The following ADK variants were observed in gnomAD, a reference collection of about 807,000 sequenced individuals.
ADK encodes the protein adenosine kinase, also known as N6,N6-dimethyladenosine kinase.
In ADK, 24 loss-of-function variants were observed where a neutral mutation model predicts 44.7. The observed-to-expected ratio is 0.54, with a 90% CI of 0.39 to 0.76. The LOEUF (loss-of-function observed/expected upper bound fraction) is 0.76, where lower values mean the gene tolerates loss of function less well. Ranked by LOEUF, ADK falls within the 30% of genes least tolerant of loss-of-function variation. The probability of loss-of-function intolerance (pLI) is 0.00; values close to 1 mark genes in which losing one functional copy is unlikely to be tolerated. For synonymous variants in ADK, 128 were observed against 142.6 expected (o/e 0.90, Z 0.73); for missense variants, 321 against 425.1 (o/e 0.76, Z 2.15).
At chr10:74,178,933 A>G (rs181083602) in intron 1 of ADK, among the ~76,000 whole-genome samples, 52 of 152,382 alleles carry the variant, frequency 3.4e-4, no homozygotes, top group Non-Finnish European at 6.3e-4. Context: ...TCCATGATTT[A>G]GTGCTCTGCA....
chr10:74,217,721 C>T (rs1057474199), intron 2 of ADK, among the ~76,000 whole-genome samples: 1 of 152,102 alleles, frequency 6.6e-6, no homozygotes, highest in African/African-American at 2.4e-5. Flanking sequence ...CACGAAAAAC[C>T]ACTGTTCTGC....
intron 3 of ADK, among the ~76,000 whole-genome samples, chr10:74,272,348 C>T (rs550884546): frequency 4.1e-4 from 62 of 152,062 alleles, no homozygotes; most frequent in Non-Finnish European, 7.6e-4. Flanking sequence ...ATAATCATGG[C>T]TCCCTGCATG....
intron 1 of ADK, among the ~76,000 whole-genome samples, chr10:74,190,326 C>G (rs139769610): frequency 6.6e-6 from 1 of 152,316 alleles, no homozygotes; most frequent in East Asian, 1.9e-4. Flanking sequence ...TTCAGTTCAT[C>G]CATAGCCTTG....
At chr10:74,425,156 A>T (rs780839263) in intron 6 of ADK, among the ~76,000 whole-genome samples, 3 of 152,320 alleles carry the variant, frequency 2.0e-5, no homozygotes, top group Non-Finnish European at 4.4e-5. Context: ...GATACTGTCA[A>T]CCTGGGAACA....
intron 4 of ADK, among the ~76,000 whole-genome samples, chr10:74,354,257 T>G (rs569471868): frequency 2.9e-4 from 44 of 152,284 alleles, no homozygotes; most frequent in Non-Finnish European, 6.0e-4. Flanking sequence ...GTATAGCAGA[T>G]CCTATGCTGC....
At chr10:74,598,279 G>T (rs1484860118) in intron 8 of ADK, among the ~76,000 whole-genome samples, 1 of 151,890 alleles carries the variant, frequency 6.6e-6, no homozygotes, top group Non-Finnish European at 1.5e-5. Context: ...CATCTGGGAA[G>T]AATTATGTTT....
chr10:74,182,654 G>A (rs1251559541), intron 1 of ADK, among the ~76,000 whole-genome samples: 2 of 152,036 alleles, frequency 1.3e-5, no homozygotes, highest in Middle Eastern at 3.2e-3. Context: ...ATGAGCTACC[G>A]TGCCGGCCAG....
At chr10:74,181,762 C>T (rs1320966551) in intron 1 of ADK, among the ~76,000 whole-genome samples, 1 of 152,124 alleles carries the variant, frequency 6.6e-6, no homozygotes, top group Non-Finnish European at 1.5e-5. Flanking sequence ...CAAAATTCCC[C>T]TCTGAATATT....
intron 9 of ADK, among the ~76,000 whole-genome samples, chr10:74,651,679 T>G (rs1161827780): frequency 6.6e-6 from 1 of 152,196 alleles, no homozygotes; most frequent in Non-Finnish European, 1.5e-5. Context: ...ATAGCAATTG[T>G]GTCATGGTTT....
intron 4 of ADK, among the ~76,000 whole-genome samples, chr10:74,393,834 T>C (rs945293055): frequency 2.5e-4 from 38 of 152,216 alleles, no homozygotes; most frequent in Admixed American, 2.4e-3. Context: ...CTAGACTTCT[T>C]ATATTGGGAC....
intron 7 of ADK, among the ~76,000 whole-genome samples, chr10:74,583,364 T>A (rs923152631): frequency 2.0e-5 from 3 of 152,182 alleles, no homozygotes; most frequent in Non-Finnish European, 2.9e-5. Context: ...GAAACAATCA[T>A]TGCTTCAGAA....
At chr10:74,619,980 TC>T (rs1852924172) in intron 9 of ADK, among the ~76,000 whole-genome samples, 1 of 152,278 alleles carries the variant, frequency 6.6e-6, no homozygotes, top group Admixed American at 6.5e-5. Flanking sequence ...CCTTGGCCTC[TC>T]AAATTGCTGG....
At chr10:74,401,035 A>AT (rs1843688922) in intron 6 of ADK, among the ~76,000 whole-genome samples, 2 of 152,128 alleles carry the variant, frequency 1.3e-5, no homozygotes, top group African/African-American at 4.8e-5. Flanking sequence ...TTTAAAATTT[A>AT]TTTTTTACCT....
At chr10:74,372,314 C>G (rs1009409552) in intron 4 of ADK, 7 of 755,886 alleles carry the variant, frequency 9.3e-6, no homozygotes, top group Non-Finnish European at 1.7e-5. Flanking sequence ...TTCATCAGTT[C>G]CCTACTGAAG....
chr10:74,318,506 T>TA (rs1271648194), intron 4 of ADK, among the ~76,000 whole-genome samples: 1 of 152,174 alleles, frequency 6.6e-6, no homozygotes, highest in South Asian at 2.1e-4. Context: ...AGAACTCAAG[T>TA]AAAAAAGTCA....
At chr10:74,230,468 A>C (rs1844716745) in intron 3 of ADK, among the ~76,000 whole-genome samples, 1 of 148,690 alleles carries the variant, frequency 6.7e-6, no homozygotes, top group Non-Finnish European at 1.5e-5. Flanking sequence ...TTCTCTAAGT[A>C]TATAGTCTTT....
chr10:74,292,620 C>T (rs1456814872), intron 3 of ADK, among the ~76,000 whole-genome samples: 1 of 152,198 alleles, frequency 6.6e-6, no homozygotes, highest in African/African-American at 2.4e-5. Flanking sequence ...CACTTGATGG[C>T]AGTTTTATCC....
At chr10:74,568,817 G>A (rs1239395922) in intron 7 of ADK, among the ~76,000 whole-genome samples, 2 of 151,780 alleles carry the variant, frequency 1.3e-5, no homozygotes, top group South Asian at 2.1e-4. Context: ...GGGTACATGT[G>A]CACAACGTGC....
chr10:74,520,169 C>T (rs1848747203), intron 6 of ADK, among the ~76,000 whole-genome samples: 1 of 151,946 alleles, frequency 6.6e-6, no homozygotes, highest in African/African-American at 2.4e-5. Context: ...CTGACCACCA[C>T]TGCATAGTTT....
Sources: allele counts gnomAD v4.1 joint callset (sites outside exome capture counted in the v4.1 genomes callset), GRCh38; gene constraint gnomAD v4.1.1; transcripts MANE v1.5; gene names NCBI Gene and HGNC (gene_info 2026-07-23, HGNC 2026-07-21).